The following FGF14 variants were observed in gnomAD, a reference collection of about 807,000 sequenced individuals.
The protein encoded by FGF14 is fibroblast growth factor homologous factor 4.
FGF14 carries 5 observed loss-of-function variants against 25.5 expected under a neutral mutation model. The ratio of observed to expected loss-of-function variants is 0.20; its 90% CI spans 0.10 to 0.41. The LOEUF (loss-of-function observed/expected upper bound fraction) is 0.41. Ranked by LOEUF, FGF14 falls within the 10% of genes least tolerant of loss-of-function variation. FGF14 has a pLI of 1.00. For missense variants in FGF14, 222 were observed against 320.1 expected (o/e 0.69, Z 2.34); for synonymous variants, 138 against 118.3 (o/e 1.17, Z -1.08).
chr13:102,038,674 A>AC (rs2041588454), intron 1 of FGF14, among the ~76,000 whole-genome samples: 2 of 152,122 alleles, frequency 1.3e-5, no homozygotes, highest in South Asian at 2.1e-4. Context: ...TTGGATTTCT[A>AC]CCCCCCACTG....
intron 1 of FGF14, among the ~76,000 whole-genome samples, chr13:102,114,393 G>T (rs1471965882): frequency 2.0e-5 from 3 of 152,104 alleles, no homozygotes; most frequent in Non-Finnish European, 2.9e-5. Context: ...GTCCTTTCCT[G>T]TGCAGAAGCT....
chr13:102,242,268 C>A (rs2051640443), intron 1 of FGF14, among the ~76,000 whole-genome samples: 1 of 151,990 alleles, frequency 6.6e-6, no homozygotes, highest in Non-Finnish European at 1.5e-5. Context: ...GTAAATATGA[C>A]AAAAAGAGTC....
chr13:101,983,344 A>G (rs1255520615), intron 1 of FGF14, among the ~76,000 whole-genome samples: 1 of 152,116 alleles, frequency 6.6e-6, no homozygotes, highest in Non-Finnish European at 1.5e-5. Context: ...TGTCTTTGTG[A>G]CATATTCTAT....
chr13:101,778,623 CATTCTCA>C lies in FGF14; in HGVS notation c.409-51820_409-51814del, dbSNP rs373670408. Among the ~76,000 whole-genome samples the C allele has an allele frequency of 3.3e-3, 502 of 152,228 alleles. 4 individuals carry two copies. The highest frequency in any genetic ancestry group is 0.011 in the African/African-American group (476 of 41,528). Reference sequence around the variant, plus strand: ...CTGCTTCCCATGGTCAAATGTTTGTCATTCTCAAGGTCCTTTTAGGTTCTGCCCCACC... The same window carrying C: ...CTGCTTCCCATGGTCAAATGTTTGTCAGGTCCTTTTAGGTTCTGCCCCACC... On this transcript the variant is annotated intron_variant, in intron 3 of 4. Coordinates refer to ENST00000376143, the MANE Select transcript of FGF14 (RefSeq NM_004115.4).
intron 1 of FGF14, among the ~76,000 whole-genome samples, chr13:102,390,025 A>G (rs2058396273): frequency 6.6e-6 from 1 of 152,192 alleles, no homozygotes; most frequent in Non-Finnish European, 1.5e-5. Flanking sequence ...ACCATGTTGA[A>G]TTCTCCACGT....
intron 1 of FGF14, among the ~76,000 whole-genome samples, chr13:102,114,997 T>G (rs552324049): frequency 6.6e-6 from 1 of 152,096 alleles, no homozygotes; most frequent in South Asian, 2.1e-4. Context: ...AAAATAAACA[T>G]TTCATTGTAT....
chr13:102,082,386 T>C (rs1038809840), intron 1 of FGF14, among the ~76,000 whole-genome samples: 11 of 152,170 alleles, frequency 7.2e-5, no homozygotes, highest in African/African-American at 1.7e-4. Context: ...TAACATAATA[T>C]AGAACTGGCA....
chr13:101,825,912 C>A (rs1436711794), intron 3 of FGF14, among the ~76,000 whole-genome samples: 2 of 152,008 alleles, frequency 1.3e-5, no homozygotes, highest in South Asian at 4.2e-4. Flanking sequence ...AAATAAGAAT[C>A]AAATCACATA....
At chr13:102,256,544 G>A (rs2141094987) in intron 1 of FGF14, among the ~76,000 whole-genome samples, 1 of 152,154 alleles carries the variant, frequency 6.6e-6, no homozygotes, top group East Asian at 1.9e-4. Flanking sequence ...TAAAACAGAG[G>A]CGCCTAGCAA....
intron 1 of FGF14, among the ~76,000 whole-genome samples, chr13:102,153,396 C>T (rs969657231): frequency 5.3e-5 from 8 of 152,154 alleles, no homozygotes; most frequent in African/African-American, 1.9e-4. Context: ...TGAAGTCTGG[C>T]TTATATCAGC....
chr13:102,199,943 G>C (rs1003339803), intron 1 of FGF14, among the ~76,000 whole-genome samples: 1 of 152,136 alleles, frequency 6.6e-6, no homozygotes, highest in Non-Finnish European at 1.5e-5. Flanking sequence ...ATGCACCCTT[G>C]TCCTGGATTA....
rs553619812 is a variant in FGF14, at chr13:102,101,109, A to AG, written c.209-225814dup. Reference sequence around the variant, plus strand: ...GCGAGACTCCGTCTCCCGCAACCCCAGGAAAAAAAAAAAAAAGGTAAAGTG... The same window carrying AG: ...GCGAGACTCCGTCTCCCGCAACCCCAGGGAAAAAAAAAAAAAAGGTAAAGTG... On this transcript the variant is annotated intron_variant, in intron 1 of 4. Transcript: ENST00000376131. Among the ~76,000 whole-genome samples, 731 of 151,466 alleles carry AG rather than the reference A, an allele frequency of 4.8e-3. 14 individuals carry two copies. Among genetic ancestry groups the AG allele is most frequent in the African/African-American group, 0.017 (691 of 41,162 alleles).
chr13:102,329,038 AC>A (rs1366613257), intron 1 of FGF14, among the ~76,000 whole-genome samples: 2 of 152,044 alleles, frequency 1.3e-5, no homozygotes, highest in Non-Finnish European at 2.9e-5. Context: ...TCAGACTGTC[AC>A]CCCATATGGT....
intron 1 of FGF14, among the ~76,000 whole-genome samples, chr13:101,882,610 T>TA (rs903401749): frequency 3.3e-5 from 5 of 151,918 alleles, no homozygotes; most frequent in Admixed American, 6.6e-5. Flanking sequence ...TGTTTTATGT[T>TA]AAAAAAATAA....
chr13:102,240,001 C>T (rs985880382), intron 1 of FGF14, among the ~76,000 whole-genome samples: 3 of 152,102 alleles, frequency 2.0e-5, no homozygotes, highest in African/African-American at 7.2e-5. Context: ...TGGGGAAAGG[C>T]TCTCTTTAAA....
At chr13:102,281,762 C>T (rs1436698768) in intron 1 of FGF14, among the ~76,000 whole-genome samples, 2 of 151,016 alleles carry the variant, frequency 1.3e-5, no homozygotes, top group Admixed American at 6.6e-5. Context: ...AAACATTTCT[C>T]CAGATTTCTC....
chr13:102,159,155 AAAG>A (rs1035755067), intron 1 of FGF14, among the ~76,000 whole-genome samples: 20 of 139,626 alleles, frequency 1.4e-4, no homozygotes, highest in South Asian at 4.4e-4. Context: ...AAAAAAAAAA[AAAG>A]AAAAGAAAAG....
intron 3 of FGF14, among the ~76,000 whole-genome samples, chr13:101,808,027 T>C (rs1297083174): frequency 1.3e-5 from 2 of 151,988 alleles, no homozygotes; most frequent in Non-Finnish European, 2.9e-5. Flanking sequence ...GAGATGCAAA[T>C]AATAGCTAAT....
chr13:102,306,171 C>A (rs2138623107), intron 1 of FGF14, among the ~76,000 whole-genome samples: 2 of 152,194 alleles, frequency 1.3e-5, no homozygotes, highest in South Asian at 2.1e-4. Flanking sequence ...CTGGTTTTGG[C>A]CAATAGATCA....
Sources: gnomAD v4.1 joint callset for allele counts (sites outside exome capture counted in the v4.1 genomes callset) on GRCh38, gnomAD v4.1.1 for gene constraint, MANE v1.5 for transcripts, NCBI Gene and HGNC (gene_info 2026-07-23, HGNC 2026-07-21) for gene names.